CTBP2: variants seen among roughly 807,000 people sequenced by gnomAD.
The protein encoded by CTBP2 is C-terminal-binding protein 2.
In CTBP2, 30 loss-of-function variants were observed where a neutral mutation model predicts 80.3. The ratio of observed to expected loss-of-function variants is 0.37; its 90% CI spans 0.28 to 0.51. The LOEUF (loss-of-function observed/expected upper bound fraction) is 0.51, where lower values mean the gene tolerates loss of function less well. CTBP2 is among the 20% of genes least tolerant of loss of function. The probability of loss-of-function intolerance (pLI) is 0.93; values close to 1 mark genes in which losing one functional copy is unlikely to be tolerated. For synonymous variants in CTBP2, 594 were observed against 587.4 expected (o/e 1.01, Z -0.16); for missense variants, 1,212 against 1,375.3 (o/e 0.88, Z 1.88).
chr10:125,091,076 A>C (rs1378210523), intron 2 of CTBP2, among the ~76,000 whole-genome samples: 2 of 152,232 alleles, frequency 1.3e-5, no homozygotes, highest in Non-Finnish European at 2.9e-5. Context: ...GACAATTGAA[A>C]AAACAAAGGA....
At chr10:125,090,237 G>A (rs932852784) in intron 2 of CTBP2, among the ~76,000 whole-genome samples, 4 of 138,748 alleles carry the variant, frequency 2.9e-5, no homozygotes, top group East Asian at 4.0e-4. Flanking sequence ...GCGGTGAGCC[G>A]AGATCATGCC....
intron 1 of CTBP2, among the ~76,000 whole-genome samples, chr10:125,003,841 T>C (rs940584774): frequency 2.0e-5 from 3 of 148,996 alleles, no homozygotes; most frequent in African/African-American, 7.6e-5. Flanking sequence ...CGGCACCAGC[T>C]GCCCCTCACA....
intron 1 of CTBP2, among the ~76,000 whole-genome samples, chr10:125,004,312 G>C (rs936331914): frequency 6.6e-6 from 1 of 152,328 alleles, no homozygotes; most frequent in East Asian, 1.9e-4. Context: ...CTTGCGCCCC[G>C]TGCACATACA....
In CTBP2 at chr10:125,066,828, G is replaced by A. The variant is rs2938007; in HGVS notation, c.-101-27673C>T. 0.02 allele frequency among the ~76,000 whole-genome samples: 3,063 copies of A among 152,288 alleles called. 97 individuals carry two copies. The highest frequency in any genetic ancestry group is 0.071 in the African/African-American group (2,931 of 41,536). ...CATGTGTCGATCAGTAAATGCCTCAGGGTGAACTCGAGAATCCAGAAGTCT... is the reference window on the plus strand; with the variant it reads ...CATGTGTCGATCAGTAAATGCCTCAAGGTGAACTCGAGAATCCAGAAGTCT... On this transcript the variant is annotated intron_variant, in intron 2 of 10. Coordinates refer to the CTBP2 transcript ENST00000337195. This position sits in a 1 kb window ranked among gnomAD's most constrained non-coding sequence, Gnocchi z 4.1.
intron 2 of CTBP2, among the ~76,000 whole-genome samples, chr10:125,101,715 A>G (rs1016826609): frequency 6.6e-5 from 10 of 152,354 alleles, no homozygotes; most frequent in Admixed American, 5.2e-4. Flanking sequence ...ATTGCAACAT[A>G]GACCACAGGT....
chr10:125,145,346 T>C (rs1236912092), intron 1 of CTBP2, among the ~76,000 whole-genome samples: 7 of 151,848 alleles, frequency 4.6e-5, no homozygotes, highest in Admixed American at 4.6e-4. Flanking sequence ...AGGGGTGCCT[T>C]GGGGACGCCC....
chr10:125,081,254 A>G (rs1847131132), intron 2 of CTBP2, among the ~76,000 whole-genome samples: 1 of 152,252 alleles, frequency 6.6e-6, no homozygotes, highest in Non-Finnish European at 1.5e-5. Flanking sequence ...ACGGTTCCAG[A>G]TTAAAGATGA....
chr10:125,113,055 C>A (rs571883700), intron 1 of CTBP2, among the ~76,000 whole-genome samples: 15 of 152,290 alleles, frequency 9.8e-5, no homozygotes, highest in African/African-American at 3.6e-4. Flanking sequence ...ACTCTACAGT[C>A]AAGGTTATCA....
chr10:125,098,429 C>T (rs951243709), intron 2 of CTBP2, among the ~76,000 whole-genome samples: 2 of 152,160 alleles, frequency 1.3e-5, no homozygotes, highest in East Asian at 1.9e-4. Context: ...TACCCAGCTG[C>T]GTCTGGTATA....
chr10:125,093,201 A>C (rs1425917336), intron 2 of CTBP2, among the ~76,000 whole-genome samples: 10 of 152,222 alleles, frequency 6.6e-5, no homozygotes, highest in African/African-American at 2.4e-4. Flanking sequence ...TGCTGGGCTG[A>C]AAACAACTCA....
intron 2 of CTBP2, among the ~76,000 whole-genome samples, chr10:125,040,628 A>ACACACACACACACAC (rs1959438318): frequency 6.6e-6 from 1 of 151,602 alleles, no homozygotes; most frequent in African/African-American, 2.4e-5. Context: ...ACACACACAG[A>ACACACACACACACAC]AAAAGTGGTT....
chr10:125,146,514 C>A (rs555389885), intron 1 of CTBP2, among the ~76,000 whole-genome samples: 1 of 152,186 alleles, frequency 6.6e-6, no homozygotes, highest in Admixed American at 6.5e-5. Flanking sequence ...AACTCCTGAT[C>A]TTAGGTGATC....
intron 3 of CTBP2, among the ~76,000 whole-genome samples, chr10:125,036,126 G>C (rs1958841380): frequency 6.6e-6 from 1 of 152,176 alleles, no homozygotes; most frequent in Admixed American, 6.5e-5. Context: ...CTGGCGGAGT[G>C]AATCCCCACG....
At chr10:125,117,208 T>G (rs980412510) in intron 1 of CTBP2, among the ~76,000 whole-genome samples, 1 of 152,150 alleles carries the variant, frequency 6.6e-6, no homozygotes, top group Non-Finnish European at 1.5e-5. Context: ...TACAACGCAT[T>G]GTAACGGGGG....
At chr10:125,041,504 A>C (rs1030075565) in intron 2 of CTBP2, among the ~76,000 whole-genome samples, 4,627 of 89,020 alleles carry the variant, frequency 0.052, 14 homozygotes, top group Non-Finnish European at 0.068. Context: ...GTCCATCCCC[A>C]CCCCCCCCCC....
At chr10:125,087,748 A>G (rs1432365354) in intron 2 of CTBP2, among the ~76,000 whole-genome samples, 1 of 152,218 alleles carries the variant, frequency 6.6e-6, no homozygotes, top group Non-Finnish European at 1.5e-5. Flanking sequence ...GCATGCCACA[A>G]CATGCCTTGT....
chr10:125,128,429 G>A (rs976401213), intron 1 of CTBP2, among the ~76,000 whole-genome samples: 2 of 152,174 alleles, frequency 1.3e-5, no homozygotes, highest in African/African-American at 4.8e-5. Context: ...CGGGGGGAAG[G>A]AATGAAGGAA....
intron 1 of CTBP2, among the ~76,000 whole-genome samples, chr10:125,142,215 G>A (rs768926438): frequency 1.2e-4 from 18 of 152,140 alleles, no homozygotes; most frequent in Admixed American, 7.2e-4. Context: ...CTTTTGGTCC[G>A]ACCTGTCCAG....
upstream of CTBP2, chr10:125,161,025 C>G (rs1268783500): frequency 1.5e-5 from 2 of 136,544 alleles, no homozygotes; most frequent in Admixed American, 1.5e-4. Context: ...AGGCGGGAGG[C>G]GAGGTGAGGG....
Sources: allele counts gnomAD v4.1 joint callset (sites outside exome capture counted in the v4.1 genomes callset), GRCh38; gene constraint gnomAD v4.1.1; non-coding constraint Gnocchi (gnomAD v3.1); transcripts MANE v1.5; gene names NCBI Gene and HGNC (gene_info 2026-07-23, HGNC 2026-07-21).